The following ANKRD30B variants were observed in gnomAD, a reference collection of about 807,000 sequenced individuals.
ANKRD30B encodes the protein ankyrin repeat domain 30B.
ANKRD30B carries 144 observed loss-of-function variants against 202.2 expected under a neutral mutation model. The ratio of observed to expected loss-of-function variants is 0.71; its 90% CI spans 0.62 to 0.82. The LOEUF is 0.82. ANKRD30B is among the 40% of genes least tolerant of loss of function. ANKRD30B has a pLI of 0.00. For synonymous variants in ANKRD30B, 508 were observed against 561.3 expected (o/e 0.91, Z 1.34); for missense variants, 1,487 against 1,669.1 (o/e 0.89, Z 1.90).
chr18:14,856,593 C>G (rs1972115311), downstream of ANKRD30B, among the ~76,000 whole-genome samples: 1 of 111,342 alleles, frequency 9.0e-6, no homozygotes, highest in East Asian at 2.6e-4. Context: ...CAGAGGCGCT[C>G]TTCACTTCCC....
chr18:14,913,880 T>C, the ANKRD30B span, among the ~76,000 whole-genome samples: 1 of 152,240 alleles, frequency 6.6e-6, no homozygotes, highest in Non-Finnish European at 1.5e-5. Flanking sequence ...ATGAGTTGGA[T>C]GCTGTCCTGT....
the ANKRD30B span, among the ~76,000 whole-genome samples, chr18:14,940,934 A>G: frequency 1.3e-5 from 2 of 152,130 alleles, no homozygotes. Flanking sequence ...TGAGAGTCCC[A>G]GGGACTCTTA....
In ANKRD30B at chr18:14,840,595, C is replaced by A. The variant is rs570993169; in HGVS notation, c.2996C>A (p.Ser999Tyr). The change falls in exon 37 of 44, where the codon TCT (serine) becomes TAT (tyrosine). Residue 999 changes from serine to tyrosine, a missense_variant. By Grantham distance (144) the Ser-to-Tyr change is moderately radical. Transcript: ENST00000690538. Reference sequence around the variant, plus strand: ...TAATATTATCTTTAACAGATTATCTCTGTGAGTGATACACAGAATTATGAG... The same window carrying A: ...TAATATTATCTTTAACAGATTATCTATGTGAGTGATACACAGAATTATGAG... The part of the protein sequence containing the change: ...TKSTSDSEII[S>Y]VSDTQNYECL... 62 of 1,456,816 alleles carry A rather than the reference C, an allele frequency of 4.3e-5. No homozygotes were observed. Among genetic ancestry groups the A allele is most frequent in the Non-Finnish European group, 4.7e-5 (51 of 1,085,018 alleles). The allele number at this position is 1,456,816 out of a possible 1,614,324, so 90.2% of individuals were successfully genotyped here. A position where few individuals can be genotyped will look rare whatever the true frequency, so the allele number is the denominator to read the frequency against.
At chr18:14,778,623 G>A (rs932910147) in intron 10 of ANKRD30B, among the ~76,000 whole-genome samples, 2 of 152,210 alleles carry the variant, frequency 1.3e-5, no homozygotes, top group South Asian at 4.1e-4. Flanking sequence ...AGCTGTGCGT[G>A]TATATAATTT....
At chr18:14,877,033 C>T in the ANKRD30B span, among the ~76,000 whole-genome samples, 1 of 152,208 alleles carries the variant, frequency 6.6e-6, no homozygotes, top group Non-Finnish European at 1.5e-5. Context: ...GGCCAACATT[C>T]CTGGCTTCTG....
intron 16 of ANKRD30B, among the ~76,000 whole-genome samples, chr18:14,795,350 C>A (rs1218209407): frequency 1.3e-5 from 2 of 152,172 alleles, no homozygotes; most frequent in African/African-American, 4.8e-5. Flanking sequence ...GCATGTGCCA[C>A]CATACCTGGA....
the ANKRD30B span, among the ~76,000 whole-genome samples, chr18:14,882,207 G>A: frequency 6.6e-6 from 1 of 152,086 alleles, no homozygotes; most frequent in Non-Finnish European, 1.5e-5. Flanking sequence ...AACTTAGATT[G>A]TCTGTTTGTG....
chr18:14,847,050 T>G, intron 39 of ANKRD30B, among the ~76,000 whole-genome samples: 1 of 111,126 alleles, frequency 9.0e-6, no homozygotes, highest in East Asian at 3.1e-4. Context: ...TGATTTAGTT[T>G]TATATATATA....
At chr18:14,902,623 C>T in the ANKRD30B span, among the ~76,000 whole-genome samples, 1 of 152,084 alleles carries the variant, frequency 6.6e-6, no homozygotes, top group Non-Finnish European at 1.5e-5. Flanking sequence ...CTCCTTTCAC[C>T]TGTTAAACGT....
At chr18:14,793,720 C>T (rs1968679555) in intron 16 of ANKRD30B, among the ~76,000 whole-genome samples, 1 of 151,740 alleles carries the variant, frequency 6.6e-6, no homozygotes, top group Non-Finnish European at 1.5e-5. Context: ...CGGTGAAACC[C>T]CATCTCTAAT....
chr18:14,909,319 G>A, the ANKRD30B span, among the ~76,000 whole-genome samples: 1 of 152,156 alleles, frequency 6.6e-6, no homozygotes, highest in Non-Finnish European at 1.5e-5. Context: ...GTGACAATGA[G>A]GGTGATGTTT....
At chr18:14,872,526 G>A in the ANKRD30B span, among the ~76,000 whole-genome samples, 1 of 152,084 alleles carries the variant, frequency 6.6e-6, no homozygotes, top group African/African-American at 2.4e-5. Context: ...GCTGCCATTG[G>A]TTATATAGAA....
intron 33 of ANKRD30B, among the ~76,000 whole-genome samples, chr18:14,828,599 C>A (rs566835216): frequency 5.3e-5 from 8 of 152,262 alleles, no homozygotes; most frequent in African/African-American, 1.4e-4. Flanking sequence ...TCCCTAATCC[C>A]TTCCCTTCCC....
chr18:14,842,109 T>C (rs1411663350), intron 37 of ANKRD30B, among the ~76,000 whole-genome samples: 2 of 152,112 alleles, frequency 1.3e-5, no homozygotes, highest in Non-Finnish European at 2.9e-5. Context: ...TTTTTTAAAA[T>C]AAATATTGTC....
chr18:14,752,940 C>A lies in ANKRD30B; in HGVS notation c.438C>A (p.Ala146=), dbSNP rs764540544. 12 of 1,603,282 alleles carry A rather than the reference C, an allele frequency of 7.5e-6. No individual in the cohort carries two copies. Among genetic ancestry groups the A allele is most frequent in the Admixed American group, 1.7e-5 (1 of 58,920 alleles). The change falls in exon 3 of 44, where the codon GCC becomes GCA. Residue 146 remains alanine (A), a synonymous_variant. Coordinates refer to ENST00000690538, the MANE Select transcript of ANKRD30B (RefSeq NM_001367607.2). ...DVYGNTALHY[A]VYSENLLMVA... is the part of the protein sequence containing the mutation. ...ATGGCAACACGGCTCTCCATTATGCCGTTTATAGTGAGAATTTGTTAATGG... is the reference window on the plus strand; with the variant it reads ...ATGGCAACACGGCTCTCCATTATGCAGTTTATAGTGAGAATTTGTTAATGG...
At chr18:14,816,641 T>C (rs1970122930) in intron 30 of ANKRD30B, 1 of 121,696 alleles carries the variant, frequency 8.2e-6, no homozygotes, top group East Asian at 2.2e-4. Context: ...CCAGACTCTG[T>C]GAAAAAAAAA....
Position 14,809,479 on chromosome 18 carries a change from A to C in ANKRD30B, c.2387-507A>C, listed in dbSNP as rs562332744. ...ATGCCTTAACCCTAAAGAGGCCTAG[A>C]AGAGCCATGGCGAGATGAGGGCGTT... On this transcript the variant is annotated intron_variant, in intron 26 of 43. Coordinates refer to ENST00000690538, the MANE Select transcript of ANKRD30B (RefSeq NM_001367607.2). Among the ~76,000 whole-genome samples, 49 of 150,976 alleles carry C rather than the reference A, an allele frequency of 3.2e-4. 1 individual carries two copies. Among genetic ancestry groups the C allele is most frequent in the African/African-American group, 1.2e-3 (48 of 40,854 alleles).
intron 22 of ANKRD30B, among the ~76,000 whole-genome samples, chr18:14,799,566 C>T (rs1485859966): frequency 6.6e-6 from 1 of 152,024 alleles, no homozygotes; most frequent in Non-Finnish European, 1.5e-5. Flanking sequence ...TCTGTACGTG[C>T]TCGGTTTTAA....
chr18:14,773,284 A>T (rs1055274351), intron 9 of ANKRD30B, among the ~76,000 whole-genome samples: 1 of 152,186 alleles, frequency 6.6e-6, no homozygotes, highest in African/African-American at 2.4e-5. Flanking sequence ...CTCTTGCATC[A>T]CTATGAGATA....
Sources: gnomAD v4.1 joint callset for allele counts (sites outside exome capture counted in the v4.1 genomes callset) on GRCh38, gnomAD v4.1.1 for gene constraint, MANE v1.5 for transcripts, NCBI Gene and HGNC (gene_info 2026-07-23, HGNC 2026-07-21) for gene names.